TNS3: variants seen among roughly 807,000 people sequenced by gnomAD.
TNS3 encodes the protein tensin-3.
In TNS3, 45 loss-of-function variants were observed where a neutral mutation model predicts 140.9. That is an observed-to-expected ratio of 0.32 (90% confidence interval 0.25 to 0.41). TNS3 has a LOEUF of 0.41. Among genes scored for constraint, TNS3 ranks in the 10% least tolerant of loss-of-function variants. The probability of loss-of-function intolerance (pLI) is 1.00; values close to 1 mark genes in which losing one functional copy is unlikely to be tolerated. For missense variants in TNS3, 1,716 were observed against 1,906.7 expected (o/e 0.90, Z 1.86); for synonymous variants, 815 against 788.4 (o/e 1.03, Z -0.56).
intron 28 of TNS3, among the ~76,000 whole-genome samples, chr7:47,282,505 A>C (rs1011338287): frequency 1.4e-5 from 2 of 143,734 alleles, no homozygotes; most frequent in African/African-American, 5.2e-5. Context: ...CTGAGAACAC[A>C]GTGGGGCTGA....
At chr7:47,499,344 A>G (rs1036184172) in intron 3 of TNS3, among the ~76,000 whole-genome samples, 1 of 152,244 alleles carries the variant, frequency 6.6e-6, no homozygotes. Flanking sequence ...GCCTACCAGA[A>G]AAGGGATCTT....
At chr7:47,495,258 G>A (rs558716750) in intron 3 of TNS3, among the ~76,000 whole-genome samples, 3 of 152,078 alleles carry the variant, frequency 2.0e-5, no homozygotes, top group African/African-American at 4.8e-5. Context: ...CTCAATGAGA[G>A]GCATGAAGGC....
intron 10 of TNS3, among the ~76,000 whole-genome samples, chr7:47,421,210 G>A (rs914890640): frequency 3.9e-5 from 6 of 152,164 alleles, no homozygotes; most frequent in Admixed American, 6.5e-5. Flanking sequence ...TGTCAGAAAC[G>A]TTAATAATTT....
intron 1 of TNS3, among the ~76,000 whole-genome samples, chr7:47,571,435 T>A (rs1485194976): frequency 6.6e-6 from 1 of 152,250 alleles, no homozygotes; most frequent in Non-Finnish European, 1.5e-5. Flanking sequence ...AGCCACAGGC[T>A]GCACCCACGC....
intron 20 of TNS3, among the ~76,000 whole-genome samples, chr7:47,308,079 A>AC (rs1414921883): frequency 1.3e-5 from 2 of 152,206 alleles, no homozygotes; most frequent in East Asian, 3.9e-4. Context: ...TTTGGAAGAA[A>AC]CTATAAACAT....
Position 47,442,146 on chromosome 7 carries a change from G to A in TNS3, c.-75-91C>T, listed in dbSNP as rs1265560713. 4.6e-5 allele frequency: 37 copies of A among 808,260 alleles called. No individual in the cohort carries two copies. In the East Asian group the frequency reaches 2.0e-3, roughly 43 times the overall value. The allele number at this position is 808,260 out of a possible 1,614,324, so 50.1% of individuals were successfully genotyped here. Reference sequence around the variant, plus strand: ...CCACTGAGAGGGAACAATGACAGCCGTTCCACAGTTTAATCATAAACAGCA... The same window carrying A: ...CCACTGAGAGGGAACAATGACAGCCATTCCACAGTTTAATCATAAACAGCA... On this transcript the variant is annotated intron_variant, in intron 4 of 30. Transcript: ENST00000311160.
chr7:47,411,843 T>A, intron 12 of TNS3, 41 bp from the exon 13 acceptor site: 2 of 1,590,034 alleles, frequency 1.3e-6, no homozygotes, highest in Non-Finnish European at 1.7e-6. Context: ...TGCAACTTCA[T>A]GATTTTGTGG....
At chr7:47,305,377 G>T (rs535626445) in intron 20 of TNS3, among the ~76,000 whole-genome samples, 26 of 152,348 alleles carry the variant, frequency 1.7e-4, no homozygotes, top group African/African-American at 6.0e-4. Context: ...TCCACTCCAT[G>T]ATCTAGGCTG....
chr7:47,404,519 T>C (rs1447254942), intron 13 of TNS3, among the ~76,000 whole-genome samples: 2 of 152,222 alleles, frequency 1.3e-5, no homozygotes, highest in Non-Finnish European at 2.9e-5. Flanking sequence ...GTAAGCACTC[T>C]TGCTTTCTTT....
At chr7:47,560,402 C>G (rs1246408744) in intron 1 of TNS3, among the ~76,000 whole-genome samples, 1 of 152,168 alleles carries the variant, frequency 6.6e-6, no homozygotes, top group Admixed American at 6.5e-5. Context: ...CTATCAATTG[C>G]CCAATCTAAG....
At chr7:47,430,319 G>A (rs775610507) in intron 8 of TNS3, among the ~76,000 whole-genome samples, 25 of 151,826 alleles carry the variant, frequency 1.6e-4, no homozygotes, top group South Asian at 6.3e-4. Flanking sequence ...TAATAGAGAC[G>A]GGCTTGCTCC....
intron 3 of TNS3, among the ~76,000 whole-genome samples, chr7:47,482,697 T>A (rs1299021121): frequency 6.6e-6 from 1 of 152,040 alleles, no homozygotes; most frequent in Non-Finnish European, 1.5e-5. Flanking sequence ...CCCCTGCCTT[T>A]CAAACTCACT....
rs1790898153 is a variant in TNS3 at position 47,369,125 on chromosome 7, C to T, written c.1521G>A (p.Leu507=). ...SSSEGPQSAH[L]GPFTCHKSSQ... ...TGCTCTTGTGGCAGGTGAAGGGACCCAGGTGGGCCGACTGAGGCCCTTCCG... is the reference window on the plus strand; with the variant it reads ...TGCTCTTGTGGCAGGTGAAGGGACCTAGGTGGGCCGACTGAGGCCCTTCCG... The change falls in exon 17 of 31, where the codon CTG becomes CTA. Residue 507 remains leucine (L), a synonymous_variant. Transcript: ENST00000311160. The T allele has an allele frequency of 1.2e-6, 2 of 1,613,858 alleles. No homozygotes were observed. The highest frequency in any genetic ancestry group is 2.7e-5 in the African/African-American group (2 of 75,062).
At chr7:47,368,315 C>G in intron 17 of TNS3, 50 bp downstream of exon 17, 1 of 1,424,968 alleles carries the variant, frequency 7.0e-7, no homozygotes, top group Non-Finnish European at 9.2e-7. Context: ...ACACATTAGC[C>G]TCCCGTGGAG....
chr7:47,362,939 C>A (rs370369798), intron 17 of TNS3, among the ~76,000 whole-genome samples: 1 of 29,502 alleles, frequency 3.4e-5, no homozygotes, highest in Non-Finnish European at 7.0e-5. Flanking sequence ...AACATCATCA[C>A]CACCATCAAC....
intron 4 of TNS3, among the ~76,000 whole-genome samples, chr7:47,476,428 C>G (rs1340788720): frequency 6.6e-6 from 1 of 152,204 alleles, no homozygotes; most frequent in African/African-American, 2.4e-5. Flanking sequence ...GCCCGGCCAC[C>G]TCTCCCAGCC....
chr7:47,331,376 T>C (rs73109040), intron 20 of TNS3, among the ~76,000 whole-genome samples: 14,570 of 152,234 alleles, frequency 0.096, 952 homozygotes, highest in East Asian at 0.18. Flanking sequence ...TCTGGGGTTC[T>C]TGAGACTCAA....
chr7:47,324,782 C>CTT (rs1332543261), intron 20 of TNS3, among the ~76,000 whole-genome samples: 4 of 152,134 alleles, frequency 2.6e-5, no homozygotes, highest in African/African-American at 9.7e-5. Context: ...TTAAAAGTCT[C>CTT]TTAATAAAAA....
At chr7:47,379,679 T>C (rs1270074283) in intron 16 of TNS3, among the ~76,000 whole-genome samples, 2 of 152,198 alleles carry the variant, frequency 1.3e-5, no homozygotes, top group Non-Finnish European at 2.9e-5. Context: ...AATAACTCCA[T>C]TCTAAGGCAT....
Sources: gnomAD v4.1 joint callset for allele counts (sites outside exome capture counted in the v4.1 genomes callset) on GRCh38, gnomAD v4.1.1 for gene constraint, MANE v1.5 for transcripts, NCBI Gene and HGNC (gene_info 2026-07-23, HGNC 2026-07-21) for gene names.